The following DNMBP variants were observed in gnomAD, a reference collection of about 807,000 sequenced individuals.
DNMBP encodes dynamin binding protein.
In DNMBP, 87 loss-of-function variants were observed where a neutral mutation model predicts 150.0. That is an observed-to-expected ratio of 0.58 (90% CI 0.49 to 0.69). The LOEUF (loss-of-function observed/expected upper bound fraction) is 0.69. DNMBP is among the 30% of genes least tolerant of loss of function. DNMBP has a pLI of 0.00. For synonymous variants in DNMBP, 711 were observed against 750.4 expected, an observed-to-expected ratio of 0.95 and a Z score of 0.86; for missense variants, 1,774 against 1,949.0, an observed-to-expected ratio of 0.91 and a Z score of 1.69.
intron 11 of DNMBP, among the ~76,000 whole-genome samples, chr10:99,893,252 A>G (rs1034319990): frequency 2.0e-5 from 3 of 152,192 alleles, no homozygotes; most frequent in Non-Finnish European, 2.9e-5. Context: ...CTGCCACAAG[A>G]TTTGGCTCAG....
At chr10:99,943,107 A>G (rs2040319408) in intron 4 of DNMBP, among the ~76,000 whole-genome samples, 1 of 152,154 alleles carries the variant, frequency 6.6e-6, no homozygotes, top group Non-Finnish European at 1.5e-5. Flanking sequence ...CAACATGGCA[A>G]AGCCCAGTCT....
intron 1 of DNMBP, among the ~76,000 whole-genome samples, chr10:100,000,149 A>G (rs919661090): frequency 6.6e-6 from 1 of 152,226 alleles, no homozygotes; most frequent in African/African-American, 2.4e-5. Context: ...ACCAGATTAG[A>G]ATACTTACCG....
Position 99,880,175 on chromosome 10 carries a change from G to A in DNMBP, c.4184C>T (p.Thr1395Ile). 1.2e-6 allele frequency: 2 copies of A among 1,614,208 alleles called. No individual in the cohort carries two copies. Among genetic ancestry groups the A allele is most frequent in the South Asian group, 1.1e-5 (1 of 91,088 alleles). ...FNPSSMAVSF[T>I]SGSCQKQPQD... ...AGGCTGCTTCTGGCAAGACCCCGAGGTAAAGGATACAGCCATGCTGCTGGG... is the reference window on the plus strand; with the variant it reads ...AGGCTGCTTCTGGCAAGACCCCGAGATAAAGGATACAGCCATGCTGCTGGG... Residue 1395 changes from threonine to isoleucine, a missense_variant, in exon 16 of 17, where the codon ACC (threonine) becomes ATC (isoleucine). This residue lies in a region of DNMBP where 1,430 missense variants were observed against 1,492.5 expected (regional missense o/e 0.96). Transcript: ENST00000324109.
At chr10:99,946,515 G>T (rs556978703) in intron 4 of DNMBP, among the ~76,000 whole-genome samples, 16 of 152,120 alleles carry the variant, frequency 1.1e-4, no homozygotes, top group African/African-American at 3.6e-4. Context: ...AATGGGGAAA[G>T]AATTCTCTAT....
At chr10:99,887,583 G>T (rs2039489004) in intron 12 of DNMBP, among the ~76,000 whole-genome samples, 2 of 152,008 alleles carry the variant, frequency 1.3e-5, no homozygotes, top group Non-Finnish European at 2.9e-5. Flanking sequence ...GACATTAAGG[G>T]TAAGGCAATG....
At chr10:100,008,102 C>A (rs771043077) in intron 1 of DNMBP, among the ~76,000 whole-genome samples, 12 of 152,164 alleles carry the variant, frequency 7.9e-5, no homozygotes, top group Non-Finnish European at 1.0e-4. Flanking sequence ...AAAAGCCAGG[C>A]TCGGTGGCTC....
At chr10:99,898,371 A>C in intron 8 of DNMBP, 86 bp from the exon 9 acceptor site, 1 of 1,184,980 alleles carries the variant, frequency 8.4e-7, no homozygotes, top group Non-Finnish European at 1.2e-6. Context: ...ACCTTAAAAA[A>C]AACTTTTTTT....
intron 4 of DNMBP, among the ~76,000 whole-genome samples, chr10:99,931,294 T>C (rs1201873430): frequency 6.6e-6 from 1 of 152,180 alleles, no homozygotes; most frequent in Non-Finnish European, 1.5e-5. Flanking sequence ...TTTCTAATCC[T>C]TGAACATCTG....
At chr10:99,924,493 C>T (rs2040057290) in intron 4 of DNMBP, among the ~76,000 whole-genome samples, 1 of 152,158 alleles carries the variant, frequency 6.6e-6, no homozygotes, top group African/African-American at 2.4e-5. Flanking sequence ...CCTGGTCTAC[C>T]TTCCAACTGT....
intron 4 of DNMBP, among the ~76,000 whole-genome samples, chr10:99,936,396 TTATAA>T (rs1265658626): frequency 1.3e-5 from 2 of 152,172 alleles, no homozygotes; most frequent in Non-Finnish European, 2.9e-5. Context: ...TAAGATCTCA[TTATAA>T]TATATTTTCA....
chr10:99,935,629 A>G lies in DNMBP; in HGVS notation c.2260+19585T>C, dbSNP rs1234377669. 1.1e-4 allele frequency among the ~76,000 whole-genome samples: 16 copies of G among 152,112 alleles called. No homozygotes were observed. In the East Asian group the frequency reaches 1.4e-3, roughly 13 times the overall value. ...ACACAGGCTGGAGTGCAATGGTGCA[A>G]CCTCAGCTCACTGCAACCTCTGCCT... On this transcript the variant is annotated intron_variant, in intron 4 of 16. Transcript: ENST00000324109.
At chr10:99,963,049 T>C (rs397796787) in intron 3 of DNMBP, among the ~76,000 whole-genome samples, 31 of 152,326 alleles carry the variant, frequency 2.0e-4, no homozygotes, top group South Asian at 1.5e-3. Context: ...TTCAATACCC[T>C]TTTTATTTTA....
chr10:99,970,971 C>CA (rs532226561), intron 2 of DNMBP, among the ~76,000 whole-genome samples: 11,116 of 32,928 alleles, frequency 0.34, 4,156 homozygotes, highest in Non-Finnish European at 0.48. Context: ...GACTCCGTCT[C>CA]AAAAAAAAAA....
chr10:99,994,386 A>G (rs1338540939), intron 1 of DNMBP, among the ~76,000 whole-genome samples: 1 of 152,220 alleles, frequency 6.6e-6, no homozygotes, highest in East Asian at 1.9e-4. Flanking sequence ...GAGAACAGTG[A>G]TGACAATGGC....
rs750916384 is a variant in DNMBP at position 99,884,137 on chromosome 10, G to A, written c.3871C>T (p.Gln1291Ter). The A allele has an allele frequency of 6.2e-7, 1 of 1,614,142 alleles. No homozygotes were observed. Among genetic ancestry groups the A allele is most frequent in the Non-Finnish European group, 8.5e-7 (1 of 1,180,024 alleles). The change falls in exon 15 of 17, where the codon CAG (glutamine) becomes TAG (stop). Residue 1291 changes from glutamine (Q) to a stop codon, truncating the protein, a stop_gained. Transcript: ENST00000324109. LOFTEE classifies it high-confidence loss of function. ...LARYPPEKLF[Q>*]AERNFNAAQD... is the part of the protein sequence containing the mutation. The stretch of plus-strand genomic sequence containing the variant: ...GCAGCATTGAAGTTCCGTTCTGCCT[G>A]GAAGAGTTTTTCAGGGGGATACCTG...
At chr10:99,996,869 C>T (rs1164627174) in intron 1 of DNMBP, among the ~76,000 whole-genome samples, 2 of 152,158 alleles carry the variant, frequency 1.3e-5, no homozygotes, top group Admixed American at 6.6e-5. Context: ...ACTAGAAGGT[C>T]AAGGCAGCAA....
Position 99,886,518 on chromosome 10 carries a change from A to T in DNMBP, c.3400T>A (p.Cys1134Ser). The T allele has an allele frequency of 6.2e-7, 1 of 1,614,114 alleles. No homozygotes were observed. The highest frequency in any genetic ancestry group is 1.7e-5 in the Admixed American group (1 of 60,014). ...TTTAGCTTTTCTGCCCGTTCTGTAC[A>T]GTTATAGAAGTCCAGGAGCTTGTCA... ...RFDKLLDFYNCTERAEKLKDK... is the reference protein window; with the variant it reads ...RFDKLLDFYNSTERAEKLKDK... The change falls in exon 13 of 17, where the codon TGT becomes AGT. Residue 1134 changes from cysteine (C) to serine (S), a missense_variant. Cys to Ser is a moderately radical substitution (Grantham distance 112). Transcript: ENST00000324109.
At chr10:99,996,248 C>T (rs1023319353) in intron 1 of DNMBP, among the ~76,000 whole-genome samples, 1 of 152,146 alleles carries the variant, frequency 6.6e-6, no homozygotes, top group Non-Finnish European at 1.5e-5. Context: ...AGGCTGGGGG[C>T]GGTGGTTCAC....
chr10:99,914,899 C>T (rs1214248612), intron 4 of DNMBP, among the ~76,000 whole-genome samples: 2 of 151,462 alleles, frequency 1.3e-5, no homozygotes, highest in African/African-American at 4.9e-5. Context: ...TAAGACCAGC[C>T]TGGTCAACAT....
Sources: allele counts gnomAD v4.1 joint callset (sites outside exome capture counted in the v4.1 genomes callset), GRCh38; gene constraint gnomAD v4.1.1; regional missense constraint gnomAD v4.1.1; transcripts MANE v1.5; gene names NCBI Gene and HGNC (gene_info 2026-07-23, HGNC 2026-07-21).